The following FADS3 variants were observed in gnomAD, a reference collection of about 807,000 sequenced individuals.
FADS3 encodes the protein fatty acid desaturase 3.
Under a neutral mutation model 60.4 loss-of-function variants are expected in FADS3, and 30 were observed. The observed-to-expected ratio is 0.50, with a 90% CI of 0.37 to 0.67. The LOEUF (loss-of-function observed/expected upper bound fraction) is 0.67. Ranked by LOEUF, FADS3 falls within the 30% of genes least tolerant of loss-of-function variation. The pLI is 0.00. For synonymous variants in FADS3, 234 were observed against 249.3 expected, an observed-to-expected ratio of 0.94 and a Z score of 0.58; for missense variants, 432 against 598.3, an observed-to-expected ratio of 0.72 and a Z score of 2.90.
In FADS3 at chr11:61,885,913, G is replaced by A. The variant is rs545434403; in HGVS notation, c.213+5256C>T. ...GAGCGTGCCCAGCACACCATGCTCC[G>A]TCCCATCCTCTCCCTGGCGCCCGTC... On this transcript the variant is annotated intron_variant, in intron 1 of 11. Transcript: ENST00000278829. Among the ~76,000 whole-genome samples the A allele has an allele frequency of 4.6e-5, 7 of 152,234 alleles. No homozygotes were observed. In the South Asian group the frequency reaches 6.2e-4, roughly 14 times the overall value.
Position 61,876,568 on chromosome 11 carries a change from G to A in FADS3, c.984-113C>T. ...CCTTGACTTCCTTATCTGTACAATAGGATTGTGGCCATCGCCCCCTTGCCA... is the reference window on the plus strand; with the variant it reads ...CCTTGACTTCCTTATCTGTACAATAAGATTGTGGCCATCGCCCCCTTGCCA... On this transcript the variant is annotated intron_variant, in intron 8 of 11. Transcript: ENST00000278829. The surrounding 1 kb of genome is among the most constrained non-coding windows in gnomAD (Gnocchi z 5.7). 1 of 834,812 alleles carries A rather than the reference G, an allele frequency of 1.2e-6. No homozygotes were observed. The allele number at this position is 834,812 out of a possible 1,614,324, so 51.7% of individuals were successfully genotyped here. A position where few individuals can be genotyped will look rare whatever the true frequency, so the allele number is the denominator to read the frequency against.
intron 6 of FADS3, 71 bp downstream of exon 6, chr11:61,878,084 G>T (rs770997733): frequency 2.1e-6 from 3 of 1,426,144 alleles, no homozygotes; most frequent in Non-Finnish European, 2.0e-6. Flanking sequence ...GCTGGGAGTG[G>T]TCCAGGACAG....
Position 61,877,839 on chromosome 11 carries a change from A to T in FADS3, c.809-252T>A. On this transcript the variant is annotated intron_variant, in intron 6 of 11. Coordinates refer to ENST00000278829, the MANE Select transcript of FADS3 (RefSeq NM_021727.5). The surrounding 1 kb of genome is among the most constrained non-coding windows in gnomAD (Gnocchi z 4.7). ...GAGTCCTCACTCTGTCCGCCCCAAC[A>T]ACTGCCCAAAGACTCTAGGGCTCCG... 1.7e-6 allele frequency: 1 copy of T among 594,690 alleles called. No homozygotes were observed. Among genetic ancestry groups the T allele is most frequent in the South Asian group, 2.0e-5 (1 of 50,076 alleles). 36.8% of individuals were successfully genotyped at this position (594,690 alleles called of 1,614,324 possible).
At chr11:61,884,111 T>C (rs1342364584) in intron 1 of FADS3, among the ~76,000 whole-genome samples, 1 of 152,194 alleles carries the variant, frequency 6.6e-6, no homozygotes, top group Non-Finnish European at 1.5e-5. Context: ...CCTGGTCCTC[T>C]GTGGGCCTCT....
intron 11 of FADS3, among the ~76,000 whole-genome samples, chr11:61,874,198 C>T (rs1373916092): frequency 3.3e-5 from 5 of 152,226 alleles, no homozygotes; most frequent in African/African-American, 1.2e-4. Flanking sequence ...AACCCAAGGA[C>T]AGAGAGGACG....
In FADS3 at chr11:61,878,021, G is replaced by A. The variant is rs1299286424; in HGVS notation, c.808+134C>T. The A allele has an allele frequency of 6.4e-6, 5 of 779,624 alleles. No individual in the cohort carries two copies. The African/African-American group carries it at 8.5e-5, about 13-fold the overall frequency. The allele number at this position is 779,624 out of a possible 1,614,324, so 48.3% of individuals were successfully genotyped here. On this transcript the variant is annotated intron_variant, in intron 6 of 11. Coordinates refer to ENST00000278829, the MANE Select transcript of FADS3 (RefSeq NM_021727.5). ...GAGTGTGTACAGACTGCAGAGGCTGGGAGGATGCCATGACCAGGGAGACCT... is the reference window on the plus strand; with the variant it reads ...GAGTGTGTACAGACTGCAGAGGCTGAGAGGATGCCATGACCAGGGAGACCT...
Position 61,878,257 on chromosome 11 carries a change from C to G in FADS3, c.748-42G>C. On this transcript the variant is annotated intron_variant, in intron 5 of 11. Coordinates refer to ENST00000278829, the MANE Select transcript of FADS3 (RefSeq NM_021727.5). ...CGGCTGGAGACAGCAGCTCTCCAGG[C>G]CACCTCCTTCTCCCGGGCAAGGTCA... 3 of 1,598,542 alleles carry G rather than the reference C, an allele frequency of 1.9e-6. No individual in the cohort carries two copies. The South Asian group carries it at 3.3e-5, about 18-fold the overall frequency.
At position 61,875,900 on chromosome 11, in the gene FADS3, G is replaced by A. The variant is rs771025387; in HGVS notation, c.1237C>T (p.Leu413Phe). ...AGGAAGGGCTTCACTTCGTAGCTGAGGCCGTGCTTGGCACACAGCGACTTG... is the reference window on the plus strand; with the variant it reads ...AGGAAGGGCTTCACTTCGTAGCTGAAGCCGTGCTTGGCACACAGCGACTTG... Reference protein sequence around the residue: ...LVKSLCAKHGLSYEVKPFLTA... With the variant: ...LVKSLCAKHGFSYEVKPFLTA... The change falls in exon 11 of 12, where the codon CTC (leucine) becomes TTC (phenylalanine). Residue 413 changes from leucine (L) to phenylalanine (F), a missense_variant. By Grantham distance (22) the Leu-to-Phe change is conservative. Around this residue, in one of 5 missense-constraint regions of FADS3, gnomAD observed 63 missense variants for 64.5 expected, o/e 0.98. Transcript: ENST00000278829. The A allele has an allele frequency of 1.2e-6, 2 of 1,613,820 alleles. No individual in the cohort carries two copies. Among genetic ancestry groups the A allele is most frequent in the Non-Finnish European group, 8.5e-7 (1 of 1,180,032 alleles).
At chr11:61,875,787 G>A in intron 11 of FADS3, 64 bp downstream of exon 11, 1 of 1,578,060 alleles carries the variant, frequency 6.3e-7, no homozygotes, top group African/African-American at 1.3e-5. Flanking sequence ...AGGCTGACCT[G>A]GACAAGGGTA....
At chr11:61,889,638 C>T (rs174460) in intron 1 of FADS3, among the ~76,000 whole-genome samples, 82,732 of 151,522 alleles carry the variant, frequency 0.55, 25,627 homozygotes, top group Non-Finnish European at 0.69. Context: ...CAGAGCAAGA[C>T]TCTGTCTCCG....
rs772160482 is a variant in FADS3 at position 61,876,786 on chromosome 11, G to A, written c.983+80C>T. The A allele has an allele frequency of 3.6e-5, 41 of 1,132,088 alleles. No homozygotes were observed. In the African/African-American group the frequency reaches 5.1e-4, roughly 14 times the overall value. The allele number at this position is 1,132,088 out of a possible 1,614,324, so 70.1% of individuals were successfully genotyped here. On this transcript the variant is annotated intron_variant, in intron 8 of 11. Coordinates refer to ENST00000278829, the MANE Select transcript of FADS3 (RefSeq NM_021727.5). The surrounding 1 kb of genome is among the most constrained non-coding windows in gnomAD (Gnocchi z 5.7). Reference sequence around the variant, plus strand: ...GTACCACTGGCCCCATTCTGCAGACGGGAAAAGGGAAGCTCTGGTGGGGGG... The same window carrying A: ...GTACCACTGGCCCCATTCTGCAGACAGGAAAAGGGAAGCTCTGGTGGGGGG...
At chr11:61,885,674 G>A (rs1938289972) in intron 1 of FADS3, among the ~76,000 whole-genome samples, 1 of 152,156 alleles carries the variant, frequency 6.6e-6, no homozygotes, top group South Asian at 2.1e-4. Flanking sequence ...GGGATTTTGG[G>A]TCACTCCCTA....
chr11:61,887,649 C>G (rs1938361570), intron 1 of FADS3, among the ~76,000 whole-genome samples: 2 of 152,240 alleles, frequency 1.3e-5, no homozygotes, highest in African/African-American at 2.4e-5. Flanking sequence ...TGAGCCTTTG[C>G]TCTAGCTGAT....
rs1039251625 is a variant in FADS3, at chr11:61,877,432, A to G, written c.885+79T>C. ...GCACATGTGCACCCTGTTTGCCTTC[A>G]TGGGCAGGTACTGTCCCCCGAGGCA... On this transcript the variant is annotated intron_variant, in intron 7 of 11. Coordinates refer to ENST00000278829, the MANE Select transcript of FADS3 (RefSeq NM_021727.5). This position sits in a 1 kb window ranked among gnomAD's most constrained non-coding sequence, Gnocchi z 4.7. 8.0e-6 allele frequency: 11 copies of G among 1,373,132 alleles called. No homozygotes were observed. The Admixed American group carries it at 1.9e-4, about 23-fold the overall frequency. The allele number at this position is 1,373,132 out of a possible 1,614,324, so 85.1% of individuals were successfully genotyped here. A position where few individuals can be genotyped will look rare whatever the true frequency, so the allele number is the denominator to read the frequency against.
intron 1 of FADS3, chr11:61,890,198 A>G (rs1938453994): frequency 1.3e-5 from 2 of 150,720 alleles, no homozygotes. Context: ...GTGGAAGGGG[A>G]AAAGAGGGGC....
chr11:61,889,405 G>A (rs10792319), intron 1 of FADS3, among the ~76,000 whole-genome samples: 146,212 of 151,882 alleles, frequency 0.96, 70,620 homozygotes, highest in East Asian at 1. Context: ...TAATCCCAGC[G>A]CTTTGGGAGG....
In FADS3 at chr11:61,891,399, T is replaced by C. The variant is rs1938509526; in HGVS notation, c.-18A>G. ...CCGCCCATGCTGCACGCACGAGTCCTGGGGATCCCAGGCGGTGGCCGAGGT... is the reference window on the plus strand; with the variant it reads ...CCGCCCATGCTGCACGCACGAGTCCCGGGGATCCCAGGCGGTGGCCGAGGT... On this transcript the variant is annotated 5_prime_UTR_variant, in exon 1 of 12. Transcript: ENST00000278829. 5.0e-6 allele frequency: 7 copies of C among 1,403,260 alleles called. 1 individual carries two copies. The highest frequency in any genetic ancestry group is 5.2e-4 in the Middle Eastern group (2 of 3,850). The allele number at this position is 1,403,260 out of a possible 1,614,324, so 86.9% of individuals were successfully genotyped here.
chr11:61,890,373 G>A (rs940767938), intron 1 of FADS3: 2 of 152,444 alleles, frequency 1.3e-5, no homozygotes, highest in East Asian at 3.9e-4. Context: ...CTCGGGTCTT[G>A]AAGACCTTCC....
chr11:61,880,726 C>T (rs902191669), intron 1 of FADS3: 1 of 150,184 alleles, frequency 6.7e-6, no homozygotes, highest in African/African-American at 2.5e-5. Flanking sequence ...ATTTGACTTA[C>T]AAAGCAGGAA....
Sources: allele counts gnomAD v4.1 joint callset (sites outside exome capture counted in the v4.1 genomes callset), GRCh38; gene constraint gnomAD v4.1.1; regional missense constraint gnomAD v4.1.1; non-coding constraint Gnocchi (gnomAD v3.1); transcripts MANE v1.5; gene names NCBI Gene and HGNC (gene_info 2026-07-23, HGNC 2026-07-21).